STK32B: variants seen among roughly 807,000 people sequenced by gnomAD.
The protein encoded by STK32B is serine/threonine kinase 32B.
STK32B carries 43 observed loss-of-function variants against 52.6 expected under a neutral mutation model. The observed-to-expected ratio is 0.82, with a 90% CI of 0.64 to 1.05. STK32B has a LOEUF of 1.05. Among genes scored for constraint, STK32B ranks in the 50% least tolerant of loss-of-function variants. The pLI, the probability that STK32B is intolerant of heterozygous loss-of-function variation, is 0.00. For missense variants in STK32B, 621 were observed against 534.6 expected, an observed-to-expected ratio of 1.16 and a Z score of -1.59; for synonymous variants, 238 against 204.3, an observed-to-expected ratio of 1.17 and a Z score of -1.41.
intron 3 of STK32B, among the ~76,000 whole-genome samples, chr4:5,232,771 T>C (rs1037367329): frequency 1.3e-5 from 2 of 152,110 alleles, no homozygotes; most frequent in Non-Finnish European, 2.9e-5. Context: ...TTTGCCCCTT[T>C]AGGTCCACTC....
At chr4:5,204,687 C>T (rs1284748645) in intron 3 of STK32B, among the ~76,000 whole-genome samples, 1 of 152,078 alleles carries the variant, frequency 6.6e-6, no homozygotes, top group Non-Finnish European at 1.5e-5. Flanking sequence ...CCAGGCTGGT[C>T]TTGAACTCCT....
chr4:5,099,454 G>GCGCGCGCGCGCA lies in STK32B; in HGVS notation c.53-40445_53-40444insCGCGCACGCGCG, dbSNP rs1553823533. Among the ~76,000 whole-genome samples, 25 of 129,850 alleles carry GCGCGCGCGCGCA rather than the reference G, an allele frequency of 1.9e-4. No individual in the cohort carries two copies. The South Asian group carries it at 4.8e-3, about 25-fold the overall frequency. The allele number at this position is 129,850 out of a possible 152,430, so 85.2% of individuals were successfully genotyped here. Reference sequence around the variant, plus strand: ...CCTCTGTGTGTGTGTGTGTGTGCGCGCGCGCGTATGTGATGTGTTCACAAC... The same window carrying GCGCGCGCGCGCA: ...CCTCTGTGTGTGTGTGTGTGTGCGCGCGCGCGCGCGCACGCGCGTATGTGATGTGTTCACAAC... On this transcript the variant is annotated intron_variant, in intron 1 of 11. Coordinates refer to ENST00000282908, the MANE Select transcript of STK32B (RefSeq NM_018401.3).
At chr4:5,382,859 TG>T (rs1736018452) in intron 4 of STK32B, among the ~76,000 whole-genome samples, 1 of 152,178 alleles carries the variant, frequency 6.6e-6, no homozygotes, top group South Asian at 2.1e-4. Flanking sequence ...ATGAGGAAAC[TG>T]AGGCTCAGAG....
At chr4:5,299,978 T>C (rs1729449420) in intron 3 of STK32B, among the ~76,000 whole-genome samples, 1 of 151,854 alleles carries the variant, frequency 6.6e-6, no homozygotes, top group Admixed American at 6.6e-5. Flanking sequence ...CCAGCAAAGA[T>C]ATAACAAAAA....
chr4:5,194,819 A>G (rs12504675), intron 3 of STK32B, among the ~76,000 whole-genome samples: 47,501 of 152,042 alleles, frequency 0.31, 8,087 homozygotes, highest in East Asian at 0.5. Flanking sequence ...GATGTCTTAC[A>G]TGGCAGGAGC....
chr4:5,278,096 G>A (rs1025797609), intron 3 of STK32B, among the ~76,000 whole-genome samples: 1 of 152,212 alleles, frequency 6.6e-6, no homozygotes, highest in African/African-American at 2.4e-5. Flanking sequence ...CTAATGACAG[G>A]CCCCAGGGGT....
At chr4:5,098,509 A>G (rs1364298302) in intron 1 of STK32B, among the ~76,000 whole-genome samples, 2 of 152,234 alleles carry the variant, frequency 1.3e-5, no homozygotes, top group Non-Finnish European at 2.9e-5. Flanking sequence ...AGCATTTGAA[A>G]TAAATCTCAT....
intron 4 of STK32B, among the ~76,000 whole-genome samples, chr4:5,353,663 G>C (rs1733989040): frequency 6.6e-6 from 1 of 152,028 alleles, no homozygotes; most frequent in Non-Finnish European, 1.5e-5. Flanking sequence ...AATCATCAGG[G>C]AAATGAAAAT....
intron 3 of STK32B, among the ~76,000 whole-genome samples, chr4:5,255,391 A>G (rs1726228704): frequency 1.3e-5 from 2 of 152,208 alleles, no homozygotes; most frequent in South Asian, 2.1e-4. Context: ...ATTTTCTCCT[A>G]CTGATTAATA....
At chr4:5,289,881 T>TCTC (rs1728783849) in intron 3 of STK32B, among the ~76,000 whole-genome samples, 1 of 151,864 alleles carries the variant, frequency 6.6e-6, no homozygotes, top group Admixed American at 6.6e-5. Context: ...TATTTTAGGT[T>TCTC]CAGGGATACG....
chr4:5,124,814 C>T (rs986497281), intron 1 of STK32B, among the ~76,000 whole-genome samples: 3 of 152,132 alleles, frequency 2.0e-5, no homozygotes, highest in African/African-American at 7.2e-5. Flanking sequence ...ACAAAGAATT[C>T]GTCACCTACT....
At chr4:5,260,936 T>C (rs767265073) in intron 3 of STK32B, among the ~76,000 whole-genome samples, 8 of 152,102 alleles carry the variant, frequency 5.3e-5, no homozygotes, top group Non-Finnish European at 1.2e-4. Context: ...GCTGGATGGC[T>C]CTTCAGAGTT....
At chr4:5,231,917 G>A (rs779269818) in intron 3 of STK32B, among the ~76,000 whole-genome samples, 7 of 152,190 alleles carry the variant, frequency 4.6e-5, no homozygotes, top group Non-Finnish European at 7.4e-5. Flanking sequence ...AGAGCCAATC[G>A]AGAAAGAGAG....
intron 3 of STK32B, among the ~76,000 whole-genome samples, chr4:5,173,350 T>C (rs1719553469): frequency 6.6e-6 from 1 of 152,164 alleles, no homozygotes; most frequent in Non-Finnish European, 1.5e-5. Context: ...TCCTAGCTTT[T>C]GAATGTGTTT....
rs1284308310 is a variant in STK32B, at chr4:5,396,521, C to A, written c.435-1686C>A. Among the ~76,000 whole-genome samples the A allele has an allele frequency of 6.6e-6, 1 of 152,188 alleles. No homozygotes were observed. Among genetic ancestry groups the A allele is most frequent in the East Asian group, 1.9e-4 (1 of 5,190 alleles). On this transcript the variant is annotated intron_variant, in intron 4 of 11. Coordinates refer to ENST00000282908, the MANE Select transcript of STK32B (RefSeq NM_018401.3). The surrounding 1 kb of genome is among the most constrained non-coding windows in gnomAD (Gnocchi z 4.7). The stretch of plus-strand genomic sequence containing the variant: ...AAGGGACACCATTCAACCCAGTACG[C>A]CAGATCACATCTTCTTGGGTCTGTC...
chr4:5,500,919 C>A lies in STK32B; in HGVS notation c.*1836C>A, dbSNP rs1720678386. On this transcript the variant is annotated 3_prime_UTR_variant, in exon 12 of 12. Transcript: ENST00000282908. ...AATTAGGGGCAGGAGCTGGAAGTCGCCCTAGGAACACCAGATTTCCTGGTT... is the reference window on the plus strand; with the variant it reads ...AATTAGGGGCAGGAGCTGGAAGTCGACCTAGGAACACCAGATTTCCTGGTT... 1 of 152,068 alleles carries A rather than the reference C, an allele frequency of 6.6e-6. No individual in the cohort carries two copies. The highest frequency in any genetic ancestry group is 1.5e-5 in the Non-Finnish European group (1 of 67,968). 9.4% of individuals were successfully genotyped at this position (152,068 alleles called of 1,614,324 possible). A position where few individuals can be genotyped will look rare whatever the true frequency, so the allele number is the denominator to read the frequency against.
chr4:5,170,419 A>G (rs2108739337), intron 3 of STK32B, among the ~76,000 whole-genome samples: 1 of 152,164 alleles, frequency 6.6e-6, no homozygotes, highest in Admixed American at 6.5e-5. Flanking sequence ...TTAACTCGTC[A>G]TTTAACATTA....
At chr4:5,180,343 T>C (rs1720259151) in intron 3 of STK32B, among the ~76,000 whole-genome samples, 1 of 152,244 alleles carries the variant, frequency 6.6e-6, no homozygotes, top group African/African-American at 2.4e-5. Context: ...TGAACTTCTT[T>C]AATTCTCCCA....
chr4:5,197,554 C>T (rs1379214038), intron 3 of STK32B, among the ~76,000 whole-genome samples: 1 of 152,182 alleles, frequency 6.6e-6, no homozygotes, highest in Non-Finnish European at 1.5e-5. Flanking sequence ...TATTTATCTC[C>T]ACTAAAATGA....
Sources: gnomAD v4.1 joint callset for allele counts (sites outside exome capture counted in the v4.1 genomes callset) on GRCh38, gnomAD v4.1.1 for gene constraint, Gnocchi (gnomAD v3.1) non-coding constraint, MANE v1.5 for transcripts, NCBI Gene and HGNC (gene_info 2026-07-23, HGNC 2026-07-21) for gene names.